Variants in ZNF280D observed in about 807,000 individuals in gnomAD.
ZNF280D encodes the protein suppressor of hairy wing homolog 4.
In ZNF280D, 39 loss-of-function variants were observed where a neutral mutation model predicts 94.7. That is an observed-to-expected ratio of 0.41 (90% CI 0.32 to 0.54). ZNF280D has a LOEUF of 0.54. ZNF280D is among the 20% of genes least tolerant of loss of function. The pLI, the probability that ZNF280D is intolerant of heterozygous loss-of-function variation, is 0.22. For missense variants in ZNF280D, 1,090 were observed against 1,149.3 expected, an observed-to-expected ratio of 0.95 and a Z score of 0.75; for synonymous variants, 398 against 377.6, an observed-to-expected ratio of 1.05 and a Z score of -0.63.
At chr15:56,670,764 A>T (rs1261559935) in intron 13 of ZNF280D, among the ~76,000 whole-genome samples, 1 of 151,832 alleles carries the variant, frequency 6.6e-6, no homozygotes, top group Admixed American at 6.6e-5. Flanking sequence ...GAATTGCCAC[A>T]CTCTCTTCCA....
chr15:56,639,120 A>G (rs1366304289), intron 20 of ZNF280D, among the ~76,000 whole-genome samples: 1 of 152,026 alleles, frequency 6.6e-6, no homozygotes, highest in African/African-American at 2.4e-5. Flanking sequence ...AGTAACAAAA[A>G]CTGTAAAAAA....
intron 20 of ZNF280D, among the ~76,000 whole-genome samples, chr15:56,639,373 C>T (rs2052515084): frequency 6.7e-6 from 1 of 149,634 alleles, no homozygotes; most frequent in Non-Finnish European, 1.5e-5. Context: ...AAGGAGAACA[C>T]AGAAAATAAA....
At chr15:56,647,280 G>GT (rs748379001) in intron 19 of ZNF280D, among the ~76,000 whole-genome samples, 4 of 152,264 alleles carry the variant, frequency 2.6e-5, no homozygotes, top group Admixed American at 6.5e-5. Context: ...CCAAAAGAAT[G>GT]TAAGTATACA....
chr15:56,655,409 T>C (rs1219998472), intron 17 of ZNF280D, among the ~76,000 whole-genome samples: 2 of 149,004 alleles, frequency 1.3e-5, no homozygotes, highest in Admixed American at 1.4e-4. Context: ...GGTTTCACCA[T>C]GTTGGTCAGG....
intron 4 of ZNF280D, among the ~76,000 whole-genome samples, chr15:56,703,480 T>C (rs561584945): frequency 9.8e-5 from 15 of 152,320 alleles, no homozygotes; most frequent in African/African-American, 3.1e-4. Flanking sequence ...TAGTATATTC[T>C]GAAATTTTAA....
At chr15:56,673,677 A>G (rs2055013280) in intron 13 of ZNF280D, among the ~76,000 whole-genome samples, 1 of 151,942 alleles carries the variant, frequency 6.6e-6, no homozygotes. Context: ...ATTGGCCTGC[A>G]TTCTATTGCT....
chr15:56,680,929 G>C (rs1468343467), intron 10 of ZNF280D, among the ~76,000 whole-genome samples: 2 of 152,142 alleles, frequency 1.3e-5, no homozygotes, highest in African/African-American at 4.8e-5. Context: ...ATGATTTCCC[G>C]ATGTTGGCAT....
intron 1 of ZNF280D, among the ~76,000 whole-genome samples, chr15:56,724,521 G>A (rs2058536596): frequency 6.6e-6 from 1 of 152,154 alleles, no homozygotes. Context: ...GAGATAAAAA[G>A]GCTGACGGTG....
chr15:56,637,134 A>G (rs2052391886), intron 20 of ZNF280D, among the ~76,000 whole-genome samples: 1 of 151,652 alleles, frequency 6.6e-6, no homozygotes, highest in Non-Finnish European at 1.5e-5. Context: ...TCTGGAGAAA[A>G]TGATCAACCC....
rs1374015511 is a variant in ZNF280D at position 56,631,701 on chromosome 15, G to A, written c.2737C>T (p.Gln913Ter). Residue 913 changes from glutamine (Q) to a stop codon, truncating the protein, a stop_gained, in exon 22 of 22, where the codon CAA becomes TAA. Transcript: ENST00000267807. LOFTEE classifies it low-confidence loss of function (END_TRUNC). ...AGAGGTTCCAAATGAATACTGCCTT[G>A]CTCGCTAACATCAGAACTAACAGAT... ...PESVSSDVSEQGSIHLEPLTP... is the reference protein window; with the variant it reads ...PESVSSDVSE The A allele has an allele frequency of 6.2e-7, 1 of 1,614,100 alleles. No homozygotes were observed.
chr15:56,637,320 T>G (rs2052400093), intron 20 of ZNF280D, among the ~76,000 whole-genome samples: 1 of 151,364 alleles, frequency 6.6e-6, no homozygotes, highest in South Asian at 2.1e-4. Context: ...CTACACAGTA[T>G]GTGCTCAACA....
At chr15:56,727,213 T>C (rs2058669289) in intron 1 of ZNF280D, among the ~76,000 whole-genome samples, 3 of 123,740 alleles carry the variant, frequency 2.4e-5, no homozygotes, top group Admixed American at 1.7e-4. Flanking sequence ...CTCATGCCTG[T>C]AATCCCAGCA....
intron 1 of ZNF280D, among the ~76,000 whole-genome samples, chr15:56,715,875 T>C (rs1390304117): frequency 1.3e-5 from 2 of 152,110 alleles, no homozygotes; most frequent in Admixed American, 6.6e-5. Flanking sequence ...TGGACTGAAA[T>C]ATTCAGAAAC....
intron 6 of ZNF280D, among the ~76,000 whole-genome samples, chr15:56,695,585 A>C (rs2056699620): frequency 1.4e-5 from 2 of 141,416 alleles, no homozygotes; most frequent in South Asian, 4.5e-4. Context: ...GCTGGAGTGC[A>C]GTGGTGTGAT....
chr15:56,633,106 T>C (rs141234123), intron 21 of ZNF280D, among the ~76,000 whole-genome samples: 5,532 of 152,276 alleles, frequency 0.036, 344 homozygotes, highest in Admixed American at 0.16. Context: ...TAAGGATGCT[T>C]ATTTTATGAA....
rs142908926 is a variant in ZNF280D, at chr15:56,645,101, C to A, written c.2214-2104G>T. 1.0e-3 allele frequency: 152 copies of A among 152,236 alleles called. 1 individual carries two copies. The highest frequency in any genetic ancestry group is 3.4e-3 in the African/African-American group (142 of 41,562). 9.4% of individuals were successfully genotyped at this position (152,236 alleles called of 1,614,324 possible). On this transcript the variant is annotated intron_variant, in intron 19 of 21. Coordinates refer to ENST00000267807, the MANE Select transcript of ZNF280D (RefSeq NM_017661.4). ...TTTAAGATTAATACTACTAACACAT[C>A]ATTAACACTTTTAGAAAAGAAAAAT...
At chr15:56,688,496 A>G (rs2056204312) in intron 9 of ZNF280D, among the ~76,000 whole-genome samples, 1 of 151,746 alleles carries the variant, frequency 6.6e-6, no homozygotes, top group African/African-American at 2.4e-5. Flanking sequence ...TCTCAAAAAA[A>G]AAAAAAAAAA....
At chr15:56,700,493 T>C (rs1222579913) in intron 6 of ZNF280D, 2 of 997,650 alleles carry the variant, frequency 2.0e-6, no homozygotes, top group African/African-American at 3.5e-5. Flanking sequence ...AGTGGGAGTT[T>C]TTTGTAATAG....
intron 1 of ZNF280D, among the ~76,000 whole-genome samples, chr15:56,710,227 A>G (rs2057681984): frequency 6.6e-6 from 1 of 152,248 alleles, no homozygotes; most frequent in African/African-American, 2.4e-5. Context: ...ACACAGAGTC[A>G]AACTGTCTCT....
Sources: allele counts gnomAD v4.1 joint callset (sites outside exome capture counted in the v4.1 genomes callset), GRCh38; gene constraint gnomAD v4.1.1; transcripts MANE v1.5; gene names NCBI Gene and HGNC (gene_info 2026-07-23, HGNC 2026-07-21).